The following TUNAR variants were observed in gnomAD, a reference collection of about 807,000 sequenced individuals.
The protein encoded by TUNAR is protein TUNAR.
intron 2 of TUNAR, among the ~76,000 whole-genome samples, chr14:95,917,130 T>C (rs1249361845): frequency 6.6e-6 from 1 of 152,262 alleles, no homozygotes; most frequent in Non-Finnish European, 1.5e-5. Context: ...TGTTAAGATA[T>C]CCTTCTCTAC....
rs138736920 is a variant in TUNAR at position 95,909,987 on chromosome 14, G to A, written c.13-12794G>A. ...CAGCAGGCGGTGGTGGGACTGGAAT[G>A]TGGGGGGCATTTGAGGGCAGGCAGG... On this transcript the variant is annotated intron_variant, in intron 2 of 2. Transcript: ENST00000678517. Among the ~76,000 whole-genome samples the A allele has an allele frequency of 3.4e-3, 523 of 152,282 alleles. 3 individuals are homozygous for A. Among genetic ancestry groups the A allele is most frequent in the Middle Eastern group, 6.8e-3 (2 of 294 alleles).
At chr14:95,899,182 C>T (rs1265474047) in intron 2 of TUNAR, among the ~76,000 whole-genome samples, 1 of 152,194 alleles carries the variant, frequency 6.6e-6, no homozygotes, top group Non-Finnish European at 1.5e-5. Flanking sequence ...GTCTGTGCCT[C>T]CTCTGTGGTA....
intron 2 of TUNAR, among the ~76,000 whole-genome samples, chr14:95,898,044 C>T (rs1471549083): frequency 6.6e-6 from 1 of 152,164 alleles, no homozygotes; most frequent in East Asian, 1.9e-4. Flanking sequence ...GCCCCCAGGT[C>T]ATCTTGGGCT....
At chr14:95,905,277 C>G (rs1437084897) in intron 2 of TUNAR, among the ~76,000 whole-genome samples, 6 of 152,146 alleles carry the variant, frequency 3.9e-5, no homozygotes, top group Non-Finnish European at 7.3e-5. Context: ...CAGATTGCAC[C>G]AGTTTTCCCA....
chr14:95,881,468 T>C (rs926925590), intron 2 of TUNAR, among the ~76,000 whole-genome samples: 11 of 152,198 alleles, frequency 7.2e-5, no homozygotes, highest in African/African-American at 2.4e-4. Flanking sequence ...ATAAAAGTTA[T>C]GTAACAGCTT....
At chr14:95,891,088 C>G (rs540330451) in intron 2 of TUNAR, among the ~76,000 whole-genome samples, 1 of 152,204 alleles carries the variant, frequency 6.6e-6, no homozygotes, top group Non-Finnish European at 1.5e-5. Context: ...CCTTCGGCCA[C>G]GTGGAGGTCG....
At chr14:95,888,810 G>A (rs1020739072) in intron 2 of TUNAR, among the ~76,000 whole-genome samples, 3 of 138,914 alleles carry the variant, frequency 2.2e-5, no homozygotes, top group South Asian at 2.5e-4. Context: ...GAGGGGATGG[G>A]GGGGGCAGTT....
At chr14:95,918,876 G>A (rs1889648010) in intron 2 of TUNAR, among the ~76,000 whole-genome samples, 2 of 152,192 alleles carry the variant, frequency 1.3e-5, no homozygotes, top group Non-Finnish European at 2.9e-5. Context: ...CTGGCCTGTA[G>A]AGACTGGGAG....
chr14:95,912,392 C>T (rs926557728), intron 2 of TUNAR, among the ~76,000 whole-genome samples: 5 of 152,104 alleles, frequency 3.3e-5, no homozygotes, highest in South Asian at 2.1e-4. Flanking sequence ...GTTCTGCATT[C>T]GACACTGCCT....
intron 2 of TUNAR, among the ~76,000 whole-genome samples, chr14:95,893,040 C>T (rs943937722): frequency 3.9e-5 from 6 of 152,088 alleles, no homozygotes; most frequent in Admixed American, 6.5e-5. Context: ...TCTGAAGACG[C>T]GTCAAGTTTT....
chr14:95,907,658 C>A (rs1456117149), intron 2 of TUNAR, among the ~76,000 whole-genome samples: 1 of 152,152 alleles, frequency 6.6e-6, no homozygotes, highest in Non-Finnish European at 1.5e-5. Context: ...CAATGGGTAG[C>A]TCCTCTCTGT....
At chr14:95,912,262 C>T (rs1310088956) in intron 2 of TUNAR, among the ~76,000 whole-genome samples, 2 of 152,082 alleles carry the variant, frequency 1.3e-5, no homozygotes, top group Admixed American at 6.5e-5. Context: ...CTATATTGTA[C>T]TTTGTATTTT....
At chr14:95,900,538 G>A (rs2139662242) in intron 2 of TUNAR, among the ~76,000 whole-genome samples, 2 of 152,362 alleles carry the variant, frequency 1.3e-5, no homozygotes, top group South Asian at 4.1e-4. Context: ...GGGTAGCAAA[G>A]GACTTGGCCA....
chr14:95,907,448 G>A (rs1289950287), intron 2 of TUNAR, among the ~76,000 whole-genome samples: 1 of 152,218 alleles, frequency 6.6e-6, no homozygotes, highest in Non-Finnish European at 1.5e-5. Flanking sequence ...GTAAGCATAA[G>A]GGGCAAGGTG....
chr14:95,877,946 T>C (rs964780899), intron 2 of TUNAR, among the ~76,000 whole-genome samples: 40 of 152,240 alleles, frequency 2.6e-4, no homozygotes, highest in African/African-American at 9.4e-4. Context: ...TCCTGAAGGA[T>C]GGAAAGGACA....
chr14:95,891,698 G>A (rs868357988), intron 2 of TUNAR, among the ~76,000 whole-genome samples: 2 of 152,220 alleles, frequency 1.3e-5, no homozygotes, highest in African/African-American at 4.8e-5. Context: ...TCCTAGCTGG[G>A]TGCTTAGTCT....
intron 2 of TUNAR, among the ~76,000 whole-genome samples, chr14:95,898,488 A>G (rs1364774952): frequency 6.6e-6 from 1 of 152,204 alleles, no homozygotes; most frequent in Non-Finnish European, 1.5e-5. Flanking sequence ...TCCATTCTCC[A>G]TATCTGAGCC....
chr14:95,894,817 C>T (rs1332913168), intron 2 of TUNAR, among the ~76,000 whole-genome samples: 1 of 152,250 alleles, frequency 6.6e-6, no homozygotes, highest in African/African-American at 2.4e-5. Context: ...ATTGGGATGA[C>T]GCACAGGGAA....
intron 2 of TUNAR, among the ~76,000 whole-genome samples, chr14:95,879,089 T>G (rs1315098247): frequency 1.3e-5 from 2 of 152,168 alleles, no homozygotes; most frequent in Admixed American, 1.3e-4. Context: ...ACAGGGAAGG[T>G]GGGCTGAAGG....
Sources: gnomAD v4.1 joint callset for allele counts (sites outside exome capture counted in the v4.1 genomes callset) on GRCh38, gnomAD v4.1.1 for gene constraint, MANE v1.5 for transcripts, NCBI Gene and HGNC (gene_info 2026-07-23, HGNC 2026-07-21) for gene names.